The following STK36 variants were observed in gnomAD, a reference collection of about 807,000 sequenced individuals.
The protein encoded by STK36 is serine/threonine kinase 36.
A neutral mutation model predicts 142.2 loss-of-function variants in STK36; 116 were observed. That is an observed-to-expected ratio of 0.82 (90% CI 0.70 to 0.95). STK36 has a LOEUF of 0.95. Among genes scored for constraint, STK36 ranks in the 40% least tolerant of loss-of-function variants. The pLI is 0.00. For missense variants in STK36, 1,422 were observed against 1,617.2 expected (o/e 0.88, Z 2.07); for synonymous variants, 619 against 641.7 (o/e 0.96, Z 0.53).
intron 26 of STK36, among the ~76,000 whole-genome samples, chr2:218,700,332 A>G (rs1210228076): frequency 6.6e-6 from 1 of 152,026 alleles, no homozygotes; most frequent in Non-Finnish European, 1.5e-5. Flanking sequence ...CCTCCTGAGT[A>G]GCCGGGACTA....
rs1337991444 is a variant in STK36, at chr2:218,680,080, G to C, written c.1136G>C (p.Arg379Pro). The change falls in exon 9 of 27, where the codon CGG becomes CCG. Residue 379 changes from arginine (R) to proline (P), a missense_variant and splice_region_variant. Coordinates refer to ENST00000295709, the MANE Select transcript of STK36 (RefSeq NM_015690.5). ...ACTGGAGAGGTGCCCTCTGCACCTC[G>C]GTGAGAAGGGTATAGTTAGGGATTT... The part of the protein sequence containing the change: ...SGTGEVPSAP[R>P]ENRTTPDCER... The C allele has an allele frequency of 6.2e-7, 1 of 1,613,432 alleles. No individual in the cohort carries two copies. The highest frequency in any genetic ancestry group is 2.2e-5 in the East Asian group (1 of 44,892).
Position 218,692,698 on chromosome 2 carries a change from T to A in STK36, c.2031T>A (p.Asp677Glu), listed in dbSNP as rs1225368882. Reference protein sequence around the residue: ...TAPVGLPDCWDAKEQVCWHLA... With the variant: ...TAPVGLPDCWEAKEQVCWHLA... ...CTGTGGGACTGCCCGACTGCTGGGA[T>A]GCCAAGGAGCAGGTCCGAGCTACAA... The change falls in exon 16 of 27, where the codon GAT (aspartate) becomes GAA (glutamate). Residue 677 changes from aspartate to glutamate, a missense_variant. Transcript: ENST00000295709. The A allele has an allele frequency of 6.2e-7, 1 of 1,613,086 alleles. No homozygotes were observed. Among genetic ancestry groups the A allele is most frequent in the Admixed American group, 1.7e-5 (1 of 59,986 alleles).
intron 26 of STK36, among the ~76,000 whole-genome samples, chr2:218,699,927 CT>C (rs1185957083): frequency 5.2e-4 from 76 of 146,184 alleles, no homozygotes; most frequent in Middle Eastern, 3.5e-3. Flanking sequence ...TTTCTTTTTC[CT>C]TTTTTTTTTT....
At chr2:218,676,615 C>T (rs971723217) in intron 6 of STK36, among the ~76,000 whole-genome samples, 3 of 148,480 alleles carry the variant, frequency 2.0e-5, no homozygotes, top group African/African-American at 4.9e-5. Context: ...AAAGGTGCTA[C>T]ACGCTTTTTT....
chr2:218,679,108 A>C, intron 6 of STK36, 60 bp from the exon 7 acceptor site: 1 of 1,517,864 alleles, frequency 6.6e-7, no homozygotes, highest in Non-Finnish European at 9.1e-7. Context: ...AGTTCTGCTG[A>C]TAGAGAGAGA....
chr2:218,702,042 G>A lies in STK36; in HGVS notation c.*33G>A. 1 of 1,610,012 alleles carries A rather than the reference G, an allele frequency of 6.2e-7. No individual in the cohort carries two copies. The highest frequency in any genetic ancestry group is 1.1e-5 in the South Asian group (1 of 90,466). On this transcript the variant is annotated 3_prime_UTR_variant, in exon 27 of 27. Coordinates refer to ENST00000295709, the MANE Select transcript of STK36 (RefSeq NM_015690.5). ...TTCCTGCGGTCCAGCCTCCAACTTT[G>A]GTTGCCAGCTCTTTCTTATTCTACT...
intron 10 of STK36, among the ~76,000 whole-genome samples, chr2:218,684,051 G>A (rs901433234): frequency 2.1e-5 from 3 of 141,858 alleles, no homozygotes; most frequent in Admixed American, 7.3e-5. Flanking sequence ...CTCCTACCTC[G>A]ACCTCCCAAA....
At chr2:218,681,534 C>T (rs1458222883) in intron 10 of STK36, among the ~76,000 whole-genome samples, 1 of 152,128 alleles carries the variant, frequency 6.6e-6, no homozygotes, top group Non-Finnish European at 1.5e-5. Flanking sequence ...TGTGTATACC[C>T]TTGTCTTAGT....
At chr2:218,683,621 C>T (rs1254895563) in intron 10 of STK36, among the ~76,000 whole-genome samples, 1 of 152,060 alleles carries the variant, frequency 6.6e-6, no homozygotes, top group Non-Finnish European at 1.5e-5. Flanking sequence ...TTTTAGGGTA[C>T]ATGTGCACAA....
chr2:218,685,212 A>G lies in STK36; in HGVS notation c.1364A>G (p.His455Arg), dbSNP rs762875127. Residue 455 changes from histidine (H) to arginine (R), a missense_variant, in exon 11 of 27, where the codon CAT becomes CGT. This residue lies in a region of STK36 where 962 missense variants were observed against 1,167.5 expected (regional missense o/e 0.82). Transcript: ENST00000295709. ...TGCCAGCGCATCCAGAGTCAGCTGC[A>G]TGAAGCTGGAGGGCAGGTAATGGGG... is the stretch of plus-strand genomic sequence containing the variant. ...DFCQRIQSQL[H>R]EAGGQILKGI... is the part of the protein sequence containing the mutation. 30 of 1,614,088 alleles carry G rather than the reference A, an allele frequency of 1.9e-5. No individual in the cohort carries two copies. In the South Asian group the frequency reaches 3.0e-4, roughly 16 times the overall value.
At chr2:218,674,008 G>A (rs1468582486) in intron 4 of STK36, 52 bp downstream of exon 4, 1 of 1,558,840 alleles carries the variant, frequency 6.4e-7, no homozygotes, top group Admixed American at 1.8e-5. Context: ...CTCCAGGTTA[G>A]AGAACTGGTA....
chr2:218,689,978 C>A, intron 13 of STK36, 22 bp downstream of exon 13: 1 of 1,557,824 alleles, frequency 6.4e-7, no homozygotes, highest in Non-Finnish European at 8.7e-7. Flanking sequence ...AGTGCTTTTG[C>A]ATTGTTGGCA....
At position 218,685,200 on chromosome 2, in the gene STK36, A is replaced by G. The variant is rs775083706; in HGVS notation, c.1352A>G (p.Gln451Arg). 5 of 1,614,214 alleles carry G rather than the reference A, an allele frequency of 3.1e-6. No homozygotes were observed. The South Asian group carries it at 4.4e-5, about 14-fold the overall frequency. The stretch of plus-strand genomic sequence containing the variant: ...AATCCTGACTTCTGCCAGCGCATCC[A>G]GAGTCAGCTGCATGAAGCTGGAGGG... ...LCNPDFCQRI[Q>R]SQLHEAGGQI... The change falls in exon 11 of 27, where the codon CAG becomes CGG. Residue 451 changes from glutamine (Q) to arginine (R), a missense_variant. Gln to Arg is a conservative substitution (Grantham distance 43). Around this residue, in one of 2 missense-constraint regions of STK36, gnomAD observed 962 missense variants for 1,167.5 expected, o/e 0.82. Transcript: ENST00000295709.
chr2:218,694,516 C>T lies in STK36; in HGVS notation c.2401-9C>T. ...GGACATTCTTTCTCCTCTTTTACCT[C>T]TCCCACAGAGTGCAGCAGCCTGTCT... is the stretch of plus-strand genomic sequence containing the variant. On this transcript the variant is annotated splice_polypyrimidine_tract_variant and intron_variant, in intron 20 of 26. Coordinates refer to ENST00000295709, the MANE Select transcript of STK36 (RefSeq NM_015690.5). This position sits in a 1 kb window ranked among gnomAD's most constrained non-coding sequence, Gnocchi z 4.4. 6.2e-7 allele frequency: 1 copy of T among 1,613,126 alleles called. No individual in the cohort carries two copies. Among genetic ancestry groups the T allele is most frequent in the Non-Finnish European group, 8.5e-7 (1 of 1,179,052 alleles).
Position 218,679,182 on chromosome 2 carries a change from A to G in STK36, c.699A>G (p.Gly233=). The G allele has an allele frequency of 1.2e-6, 2 of 1,614,112 alleles. No individual in the cohort carries two copies. Among genetic ancestry groups the G allele is most frequent in the Non-Finnish European group, 1.7e-6 (2 of 1,180,004 alleles). The change falls in exon 7 of 27, where the codon GGA becomes GGG. Residue 233 remains glycine, a synonymous_variant. Coordinates refer to ENST00000295709, the MANE Select transcript of STK36 (RefSeq NM_015690.5). ...TCTCTCTGTAGAACTTCCTGCAGGG[A>G]CTGCTCACCAAAGACCCACGGCAGC... ...ISPCFKNFLQ[G]LLTKDPRQRL...
Position 218,685,719 on chromosome 2 carries a change from A to G in STK36, c.1380+491A>G, listed in dbSNP as rs569980699. ...TGTAAAGTTAGTGTTCCCTCCTACA[A>G]AACCTTACTTTGCTCCTCTGAAACA... On this transcript the variant is annotated intron_variant, in intron 11 of 26. Coordinates refer to ENST00000295709, the MANE Select transcript of STK36 (RefSeq NM_015690.5). 2.0e-5 allele frequency among the ~76,000 whole-genome samples: 3 copies of G among 152,304 alleles called. No homozygotes were observed. The East Asian group carries it at 5.8e-4, about 29-fold the overall frequency.
Position 218,680,005 on chromosome 2 carries a change from T to C in STK36, c.1061T>C (p.Leu354Pro). 1.9e-6 allele frequency: 3 copies of C among 1,614,198 alleles called. No homozygotes were observed. In the East Asian group the frequency reaches 6.7e-5, roughly 36 times the overall value. ...GCCACTCCTCAGGAATCAAGCCTCCTGGCCGGGATCTTAGCCTCAGAATTG... is the reference window on the plus strand; with the variant it reads ...GCCACTCCTCAGGAATCAAGCCTCCCGGCCGGGATCTTAGCCTCAGAATTG... The part of the protein sequence containing the change: ...LGATPQESSL[L>P]AGILASELKS... The change falls in exon 9 of 27, where the codon CTG becomes CCG. Residue 354 changes from leucine to proline, a missense_variant. Coordinates refer to ENST00000295709, the MANE Select transcript of STK36 (RefSeq NM_015690.5).
chr2:218,687,988 T>C (rs554578011), intron 11 of STK36, among the ~76,000 whole-genome samples: 13 of 152,094 alleles, frequency 8.5e-5, no homozygotes, highest in Non-Finnish European at 1.9e-4. Context: ...TGAAATCCCA[T>C]CTCTACTAAA....
Position 218,693,981 on chromosome 2 carries a change from T to A in STK36, c.2334T>A (p.Cys778Ter). The A allele has an allele frequency of 6.2e-7, 1 of 1,614,192 alleles. No individual in the cohort carries two copies. The highest frequency in any genetic ancestry group is 8.5e-7 in the Non-Finnish European group (1 of 1,180,024). ...LLVFRLQNLP[C>*]GMEKLGSDVA... ...TCTTTCGGCTCCAAAACCTGCCTTG[T>A]GGGTAAGTCATAAAGTAGGGTGTCT... is the stretch of plus-strand genomic sequence containing the variant. Residue 778 changes from cysteine to a stop codon, truncating the protein, a stop_gained and splice_region_variant, in exon 19 of 27, where the codon TGT becomes TGA. Transcript: ENST00000295709. LOFTEE classifies it high-confidence loss of function.
Sources: allele counts gnomAD v4.1 joint callset (sites outside exome capture counted in the v4.1 genomes callset), GRCh38; gene constraint gnomAD v4.1.1; regional missense constraint gnomAD v4.1.1; non-coding constraint Gnocchi (gnomAD v3.1); transcripts MANE v1.5; gene names NCBI Gene and HGNC (gene_info 2026-07-23, HGNC 2026-07-21).